CSGALNACT1: variants seen among roughly 807,000 people sequenced by gnomAD.
CSGALNACT1 encodes chondroitin sulfate N-acetylgalactosaminyltransferase 1, also known as beta4GalNAcT-1.
Under a neutral mutation model 51.0 loss-of-function variants are expected in CSGALNACT1, and 52 were observed. That is an observed-to-expected ratio of 1.02 (90% CI 0.82 to 1.29). The LOEUF (loss-of-function observed/expected upper bound fraction) is 1.29. Among genes scored for constraint, CSGALNACT1 ranks in the 50% most tolerant of loss-of-function variants. The pLI, the probability that CSGALNACT1 is intolerant of heterozygous loss-of-function variation, is 0.00. For synonymous variants in CSGALNACT1, 341 were observed against 254.4 expected, an observed-to-expected ratio of 1.34 and a Z score of -3.24; for missense variants, 935 against 679.2, an observed-to-expected ratio of 1.38 and a Z score of -4.19.
intron 1 of CSGALNACT1, among the ~76,000 whole-genome samples, chr8:19,712,780 A>G (rs2062586990): frequency 6.6e-6 from 1 of 152,196 alleles, no homozygotes; most frequent in Non-Finnish European, 1.5e-5. Flanking sequence ...TGAGCATCTC[A>G]CTGAGGCAGC....
At chr8:19,416,648 G>A (rs982594466) in intron 8 of CSGALNACT1, among the ~76,000 whole-genome samples, 4 of 151,990 alleles carry the variant, frequency 2.6e-5, no homozygotes, top group South Asian at 2.1e-4. Flanking sequence ...GAATACCATC[G>A]TGCTTCAATT....
chr8:19,483,804 T>C (rs1303160459), intron 4 of CSGALNACT1, among the ~76,000 whole-genome samples: 1 of 152,220 alleles, frequency 6.6e-6, no homozygotes. Flanking sequence ...TAAATTACTA[T>C]TGACTAAATT....
intron 9 of CSGALNACT1, among the ~76,000 whole-genome samples, 156 bp from the exon 9 acceptor site, chr8:19,406,225 A>G (rs2054148437): frequency 2.0e-5 from 3 of 152,126 alleles, no homozygotes. Flanking sequence ...CCTGGGTCAG[A>G]AGCCCCGAGA....
At chr8:19,542,589 ATGAT>A (rs1563973187) in intron 3 of CSGALNACT1, among the ~76,000 whole-genome samples, 1 of 152,116 alleles carries the variant, frequency 6.6e-6, no homozygotes, top group Non-Finnish European at 1.5e-5. Context: ...ACAAGAGATG[ATGAT>A]TAATTTCTAT....
chr8:19,428,758 C>T (rs1420055994), intron 6 of CSGALNACT1, among the ~76,000 whole-genome samples: 2 of 152,032 alleles, frequency 1.3e-5, no homozygotes, highest in East Asian at 3.9e-4. Flanking sequence ...ATGCCTGGCT[C>T]TGCAGAGGAC....
chr8:19,545,808 T>C (rs1182915591), intron 3 of CSGALNACT1, among the ~76,000 whole-genome samples: 4 of 148,380 alleles, frequency 2.7e-5, no homozygotes, highest in Admixed American at 6.8e-5. Flanking sequence ...TATATCTATA[T>C]ATATTAATAT....
intron 3 of CSGALNACT1, among the ~76,000 whole-genome samples, chr8:19,581,030 G>A (rs57137037): frequency 3.3e-5 from 5 of 152,112 alleles, no homozygotes; most frequent in Non-Finnish European, 5.9e-5. Context: ...AGTAATGTAC[G>A]TGTAACTATT....
At chr8:19,447,715 G>A (rs143621976) in intron 5 of CSGALNACT1, among the ~76,000 whole-genome samples, 123 of 152,290 alleles carry the variant, frequency 8.1e-4, no homozygotes, top group African/African-American at 2.8e-3. Flanking sequence ...CTGTCTTGAC[G>A]GAGAAACAAG....
chr8:19,487,905 T>C (rs2073373939), intron 4 of CSGALNACT1, among the ~76,000 whole-genome samples: 1 of 151,910 alleles, frequency 6.6e-6, no homozygotes, highest in Non-Finnish European at 1.5e-5. Context: ...CAAGATATGC[T>C]AAAAAAACTG....
At chr8:19,510,522 G>A (rs1423070046) in intron 3 of CSGALNACT1, among the ~76,000 whole-genome samples, 1 of 152,142 alleles carries the variant, frequency 6.6e-6, no homozygotes, top group Admixed American at 6.6e-5. Context: ...AGTTCCAGGA[G>A]ATGAAAAGGT....
chr8:19,438,697 A>G (rs1406949248), intron 6 of CSGALNACT1, among the ~76,000 whole-genome samples: 1 of 152,198 alleles, frequency 6.6e-6, no homozygotes, highest in Non-Finnish European at 1.5e-5. Context: ...TAATATGTAA[A>G]CAAACGGGCA....
At chr8:19,637,529 TA>T (rs1230771170) in intron 1 of CSGALNACT1, among the ~76,000 whole-genome samples, 1 of 152,220 alleles carries the variant, frequency 6.6e-6, no homozygotes, top group Non-Finnish European at 1.5e-5. Flanking sequence ...TAAAAGCACT[TA>T]AAACTTAATG....
chr8:19,600,494 G>C (rs183057349), intron 2 of CSGALNACT1, among the ~76,000 whole-genome samples: 1 of 152,106 alleles, frequency 6.6e-6, no homozygotes, highest in African/African-American at 2.4e-5. Flanking sequence ...TATCATCCAA[G>C]TAATTCTCAA....
chr8:19,599,082 A>G (rs1339126036), intron 2 of CSGALNACT1, among the ~76,000 whole-genome samples: 1 of 151,970 alleles, frequency 6.6e-6, no homozygotes, highest in Non-Finnish European at 1.5e-5. Context: ...AGTGAGCAGA[A>G]GGGCCAGAGG....
chr8:19,423,897 C>G (rs1364440518), intron 6 of CSGALNACT1, among the ~76,000 whole-genome samples: 1 of 152,226 alleles, frequency 6.6e-6, no homozygotes, highest in East Asian at 1.9e-4. Flanking sequence ...ACAGAAAGCC[C>G]TGGGAAGTGG....
At chr8:19,550,543 C>T (rs1286907652) in intron 3 of CSGALNACT1, among the ~76,000 whole-genome samples, 1 of 152,064 alleles carries the variant, frequency 6.6e-6, no homozygotes, top group Admixed American at 6.5e-5. Flanking sequence ...CCCGCTTTTC[C>T]CCTTATTTCC....
chr8:19,618,899 C>T (rs891061230), intron 1 of CSGALNACT1, among the ~76,000 whole-genome samples: 5 of 152,006 alleles, frequency 3.3e-5, no homozygotes, highest in East Asian at 1.9e-4. Context: ...AATTCTCTAC[C>T]GCTGTAAGAG....
chr8:19,443,235 T>C (rs1170673040), intron 5 of CSGALNACT1, among the ~76,000 whole-genome samples: 2 of 152,224 alleles, frequency 1.3e-5, no homozygotes, highest in Admixed American at 1.3e-4. Flanking sequence ...TATATGTGTA[T>C]GTATGTAAAC....
intron 4 of CSGALNACT1, among the ~76,000 whole-genome samples, chr8:19,483,622 C>A (rs1037900390): frequency 1.3e-5 from 2 of 152,188 alleles, no homozygotes; most frequent in Admixed American, 6.5e-5. Flanking sequence ...AAGAGTGGAT[C>A]TGATGGCCTT....
Sources: allele counts gnomAD v4.1 joint callset (sites outside exome capture counted in the v4.1 genomes callset), GRCh38; gene constraint gnomAD v4.1.1; transcripts MANE v1.5; gene names NCBI Gene and HGNC (gene_info 2026-07-23, HGNC 2026-07-21).